RANBP2: variants seen among roughly 807,000 people sequenced by gnomAD.
RANBP2 encodes the protein E3 SUMO-protein ligase RanBP2.
Under a neutral mutation model 303.6 loss-of-function variants are expected in RANBP2, and 57 were observed. The observed-to-expected ratio is 0.19, with a 90% CI of 0.15 to 0.23. The LOEUF (loss-of-function observed/expected upper bound fraction) is 0.23, where lower values mean the gene tolerates loss of function less well. Among genes scored for constraint, RANBP2 ranks in the 10% least tolerant of loss-of-function variants. The probability of loss-of-function intolerance (pLI) is 1.00; values close to 1 mark genes in which losing one functional copy is unlikely to be tolerated. For synonymous variants in RANBP2, 1,167 were observed against 1,301.5 expected (o/e 0.90, Z 2.23); for missense variants, 3,138 against 3,780.8 (o/e 0.83, Z 4.46).
the RANBP2 span, chr2:108,929,070 AG>A: frequency 2.7e-6 from 3 of 1,112,356 alleles, no homozygotes; most frequent in Non-Finnish European, 4.0e-6. Flanking sequence ...GATGGGACCA[AG>A]GCCAGGTGTG....
chr2:109,675,283 G>T, the RANBP2 span, among the ~76,000 whole-genome samples: 1 of 152,236 alleles, frequency 6.6e-6, no homozygotes, highest in East Asian at 1.9e-4. Context: ...AAAGTGCAAA[G>T]TTCTCAGACC....
chr2:109,364,159 G>GTTTTTTTTTTTTCTTTTTTT, the RANBP2 span, among the ~76,000 whole-genome samples: 1 of 141,862 alleles, frequency 7.0e-6, no homozygotes, highest in Non-Finnish European at 1.5e-5. Context: ...CTCCATTATG[G>GTTTTTTTTTTTTCTTTTTTT]TTTTTTTTTT....
chr2:109,515,590 C>G, the RANBP2 span, among the ~76,000 whole-genome samples: 1 of 152,142 alleles, frequency 6.6e-6, no homozygotes, highest in South Asian at 2.1e-4. Context: ...TCCAGCACCC[C>G]AAACTCGGCC....
At chr2:108,993,233 G>C in the RANBP2 span, among the ~76,000 whole-genome samples, 1 of 152,126 alleles carries the variant, frequency 6.6e-6, no homozygotes, top group African/African-American at 2.4e-5. Flanking sequence ...TGGGCAGAAG[G>C]TGTTTCAGAT....
chr2:109,710,163 C>T, the RANBP2 span, among the ~76,000 whole-genome samples: 1 of 151,360 alleles, frequency 6.6e-6, no homozygotes, highest in East Asian at 1.9e-4. Flanking sequence ...GGGTGGATCA[C>T]TTGAGGTCAG....
chr2:109,251,788 G>A, the RANBP2 span: 1 of 515,062 alleles, frequency 1.9e-6, no homozygotes, highest in African/African-American at 1.9e-5. Context: ...AAAAGAATTA[G>A]ATAATACTAA....
chr2:109,026,224 T>TC, the RANBP2 span, among the ~76,000 whole-genome samples: 1 of 150,012 alleles, frequency 6.7e-6, no homozygotes, highest in African/African-American at 2.4e-5. Context: ...TCACCTGAGC[T>TC]CCTGGGCTCA....
the RANBP2 span, among the ~76,000 whole-genome samples, chr2:108,907,099 C>T: frequency 7.2e-5 from 11 of 152,234 alleles, no homozygotes; most frequent in Non-Finnish European, 1.5e-4. Context: ...CCCTGCCCTG[C>T]TCCTGGCCAC....
At chr2:108,985,016 G>A in the RANBP2 span, among the ~76,000 whole-genome samples, 1 of 152,148 alleles carries the variant, frequency 6.6e-6, no homozygotes, top group African/African-American at 2.4e-5. Flanking sequence ...AACAGTGCAT[G>A]CCCTCTCATT....
At chr2:109,449,356 C>A in the RANBP2 span, 1 of 1,608,534 alleles carries the variant, frequency 6.2e-7, no homozygotes, top group Non-Finnish European at 8.5e-7. Context: ...ACATCAGCAG[C>A]ATCAGCCATC....
chr2:108,822,221 A>G, the RANBP2 span, among the ~76,000 whole-genome samples: 2 of 152,208 alleles, frequency 1.3e-5, no homozygotes, highest in Non-Finnish European at 1.5e-5. Context: ...AAAGGACACT[A>G]TATAAATGAT....
chr2:108,721,805 G>T (rs1694273687), intron 1 of RANBP2, among the ~76,000 whole-genome samples: 1 of 152,076 alleles, frequency 6.6e-6, no homozygotes, highest in African/African-American at 2.4e-5. Context: ...GCTGTGGCGG[G>T]ATCGTGGCTC....
At chr2:109,613,534 A>C in the RANBP2 span, 3 of 244,206 alleles carry the variant, frequency 1.2e-5, no homozygotes, top group East Asian at 9.1e-5. Context: ...AAGACCGGGA[A>C]GTCGTTCAAG....
the RANBP2 span, among the ~76,000 whole-genome samples, chr2:108,934,326 G>A: frequency 1.3e-5 from 2 of 152,262 alleles, no homozygotes; most frequent in African/African-American, 4.8e-5. Flanking sequence ...GCCACTGGGC[G>A]CTGGGGGGCT....
the RANBP2 span, among the ~76,000 whole-genome samples, chr2:109,672,212 T>C: frequency 6.6e-6 from 1 of 152,350 alleles, no homozygotes; most frequent in Admixed American, 6.5e-5. Flanking sequence ...TAATGCATTG[T>C]AAGTTGTTAT....
At chr2:109,672,585 A>C in the RANBP2 span, among the ~76,000 whole-genome samples, 1 of 152,202 alleles carries the variant, frequency 6.6e-6, no homozygotes, top group African/African-American at 2.4e-5. Context: ...GTTACGTATT[A>C]TTACCTTCGG....
the RANBP2 span, among the ~76,000 whole-genome samples, chr2:108,978,639 T>C: frequency 9.9e-5 from 15 of 152,148 alleles, no homozygotes; most frequent in Non-Finnish European, 2.1e-4. Flanking sequence ...TATTAAAATA[T>C]TAGAGAGACC....
the RANBP2 span, among the ~76,000 whole-genome samples, chr2:108,806,620 G>T: frequency 6.6e-6 from 1 of 152,160 alleles, no homozygotes; most frequent in East Asian, 1.9e-4. Context: ...AACAGCCATA[G>T]GCAATAAGTA....
the RANBP2 span, among the ~76,000 whole-genome samples, chr2:109,249,528 TTTCTTTCCTTCCTTCCTTCC>T: frequency 9.6e-6 from 1 of 103,812 alleles, no homozygotes; most frequent in Non-Finnish European, 2.0e-5. Context: ...TTTTTCTTTC[TTTCTTTCCTTCCTTCCTTCC>T]TTCCTTCCTT....
Sources: allele counts gnomAD v4.1 joint callset (sites outside exome capture counted in the v4.1 genomes callset), GRCh38; gene constraint gnomAD v4.1.1; transcripts MANE v1.5; gene names NCBI Gene and HGNC (gene_info 2026-07-23, HGNC 2026-07-21).